Variants in GNAT3 observed in about 807,000 individuals in gnomAD.
GNAT3 encodes the protein G protein subunit alpha transducin 3, also known as guanine nucleotide-binding protein G(t) subunit alpha-3.
In GNAT3, 31 loss-of-function variants were observed where a neutral mutation model predicts 37.7. That is an observed-to-expected ratio of 0.82 (90% CI 0.62 to 1.11). The LOEUF (loss-of-function observed/expected upper bound fraction) is 1.11. Among genes scored for constraint, GNAT3 ranks in the 50% most tolerant of loss-of-function variants. GNAT3 has a pLI of 0.00. For missense variants in GNAT3, 437 were observed against 412.5 expected, an observed-to-expected ratio of 1.06 and a Z score of -0.51; for synonymous variants, 138 against 139.8, an observed-to-expected ratio of 0.99 and a Z score of 0.09.
In GNAT3 at chr7:80,511,845, C is replaced by A; in HGVS notation, c.82G>T (p.Glu28Ter). 1.2e-6 allele frequency: 2 copies of A among 1,612,020 alleles called. No individual in the cohort carries two copies. The highest frequency in any genetic ancestry group is 1.3e-5 in the African/African-American group (1 of 75,004). The part of the protein sequence containing the change: ...ELEKKLQEDA[E>*]RDARTVKLLL... ...AGCTTTACGGTTCTTGCATCTCGCT[C>A]AGCATCCTCCTGAAGCTTTTTCTCC... The change falls in exon 1 of 8, where the codon GAG becomes TAG. Residue 28 changes from glutamate (E) to a stop codon, truncating the protein, a stop_gained. Coordinates refer to ENST00000398291, the MANE Select transcript of GNAT3 (RefSeq NM_001102386.3). LOFTEE classifies it high-confidence loss of function.
intron 2 of GNAT3, among the ~76,000 whole-genome samples, chr7:80,493,826 TCC>T (rs1790657615): frequency 8.0e-6 from 1 of 125,694 alleles, no homozygotes; most frequent in African/African-American, 3.1e-5. Context: ...TCCTCTTTCC[TCC>T]TCCTCCTCTT....
intron 5 of GNAT3, among the ~76,000 whole-genome samples, chr7:80,472,620 T>C (rs960201362): frequency 3.9e-5 from 6 of 152,116 alleles, no homozygotes; most frequent in Non-Finnish European, 8.8e-5. Flanking sequence ...ACCAAATTGG[T>C]TGGTGTTGTA....
intron 1 of GNAT3, among the ~76,000 whole-genome samples, chr7:80,496,269 T>C (rs943006990): frequency 1.3e-5 from 2 of 152,198 alleles, no homozygotes; most frequent in Non-Finnish European, 2.9e-5. Flanking sequence ...TAGCTGGGAT[T>C]ACAGGTGTGC....
At chr7:80,472,964 A>G (rs910864032) in intron 5 of GNAT3, among the ~76,000 whole-genome samples, 3 of 152,290 alleles carry the variant, frequency 2.0e-5, no homozygotes, top group Non-Finnish European at 4.4e-5. Flanking sequence ...AAGAAAGAGT[A>G]AGACAGAAAA....
rs748050219 is a variant in GNAT3 at position 80,458,809 on chromosome 7, G to T, written c.927C>A (p.Asp309Glu). Residue 309 changes from aspartate to glutamate, a missense_variant, in exon 8 of 8, where the codon GAC (aspartate) becomes GAA (glutamate). Transcript: ENST00000398291. The part of the protein sequence containing the change: ...AGNYIKNQFL[D>E]LNLKKEDKEI... ...CCTTATCTTCTTTTTTTAAATTCAG[G>T]TCTAGAAACTGGTTCTTGATGTAGT... 1.3e-6 allele frequency: 2 copies of T among 1,595,114 alleles called. No homozygotes were observed. The highest frequency in any genetic ancestry group is 1.2e-5 in the South Asian group (1 of 86,854).
At chr7:80,508,078 AG>A (rs1384728180) in intron 1 of GNAT3, among the ~76,000 whole-genome samples, 1 of 151,968 alleles carries the variant, frequency 6.6e-6, no homozygotes, top group East Asian at 1.9e-4. Context: ...CTAAAAGAAA[AG>A]AACATCTATG....
intron 1 of GNAT3, among the ~76,000 whole-genome samples, chr7:80,504,755 G>A (rs981495296): frequency 6.6e-6 from 1 of 152,140 alleles, no homozygotes; most frequent in Non-Finnish European, 1.5e-5. Flanking sequence ...TAAAACTAGT[G>A]AAAATATAAG....
chr7:80,496,848 C>T (rs927141693), intron 1 of GNAT3, among the ~76,000 whole-genome samples: 17 of 149,486 alleles, frequency 1.1e-4, no homozygotes, highest in Admixed American at 7.3e-4. Context: ...TTCAGGACAA[C>T]TTTTCTTTTT....
chr7:80,465,042 T>C (rs371579375), intron 5 of GNAT3, among the ~76,000 whole-genome samples: 26 of 152,118 alleles, frequency 1.7e-4, no homozygotes, highest in East Asian at 7.7e-4. Context: ...TACGGTTATA[T>C]TATGTGAAAA....
chr7:80,511,883 C>A lies in GNAT3; in HGVS notation c.44G>T (p.Arg15Ile), dbSNP rs754569137. The A allele has an allele frequency of 7.3e-5, 118 of 1,612,142 alleles. No individual in the cohort carries two copies. Among genetic ancestry groups the A allele is most frequent in the Non-Finnish European group, 8.0e-5 (94 of 1,178,960 alleles). ...AAGCTTTTTCTCCAGTTCTTTTGAT[C>A]TTTTGGCTGACTCCTTGCTCTCTGA... ...ISSESKESAK[R>I]SKELEKKLQE... Residue 15 changes from arginine to isoleucine, a missense_variant, in exon 1 of 8, where the codon AGA becomes ATA. Arg to Ile is a moderately conservative substitution (Grantham distance 97). Transcript: ENST00000398291.
intron 4 of GNAT3, among the ~76,000 whole-genome samples, chr7:80,478,057 C>T (rs1317807521): frequency 3.9e-5 from 6 of 152,150 alleles, no homozygotes; most frequent in African/African-American, 9.7e-5. Flanking sequence ...ACTACAGGCA[C>T]ATGCCACCAC....
In GNAT3 at chr7:80,467,091, C is replaced by T. The variant is rs182193977; in HGVS notation, c.591-4460G>A. 1.0e-3 allele frequency among the ~76,000 whole-genome samples: 159 copies of T among 152,232 alleles called. 1 individual carries two copies. In the East Asian group the frequency reaches 0.024, roughly 23 times the overall value. ...CTAAGGTGGTTTGTTCCTAAACTCACAATTAGTAAAGGATAGAACTCACGT... is the reference window on the plus strand; with the variant it reads ...CTAAGGTGGTTTGTTCCTAAACTCATAATTAGTAAAGGATAGAACTCACGT... On this transcript the variant is annotated intron_variant, in intron 5 of 7. Coordinates refer to ENST00000398291, the MANE Select transcript of GNAT3 (RefSeq NM_001102386.3).
At chr7:80,499,883 G>A (rs997257673) in intron 1 of GNAT3, among the ~76,000 whole-genome samples, 1 of 152,136 alleles carries the variant, frequency 6.6e-6, no homozygotes, top group Non-Finnish European at 1.5e-5. Flanking sequence ...GGGAGGATTA[G>A]ATCACAAATA....
chr7:80,499,425 G>T (rs11981850), intron 1 of GNAT3, among the ~76,000 whole-genome samples: 4,295 of 152,108 alleles, frequency 0.028, 203 homozygotes, highest in African/African-American at 0.097. Flanking sequence ...TAGCTCTGTT[G>T]CCAGGCTTGA....
At chr7:80,485,044 G>T (rs1160811747) in intron 3 of GNAT3, among the ~76,000 whole-genome samples, 1 of 151,998 alleles carries the variant, frequency 6.6e-6, no homozygotes, top group Non-Finnish European at 1.5e-5. Flanking sequence ...ACCTTTCAAT[G>T]TGGATAATTC....
chr7:80,511,032 A>G (rs910528700), intron 1 of GNAT3, among the ~76,000 whole-genome samples: 2 of 152,170 alleles, frequency 1.3e-5, no homozygotes, highest in Non-Finnish European at 2.9e-5. Flanking sequence ...TTTCAAAAAC[A>G]TATTTCTGTT....
intron 3 of GNAT3, chr7:80,487,689 G>A (rs1209625359): frequency 6.6e-6 from 1 of 152,060 alleles, no homozygotes; most frequent in Non-Finnish European, 1.5e-5. Flanking sequence ...TCTATAGCAA[G>A]GTTTCCAAGA....
intron 1 of GNAT3, 91 bp from the exon 2 acceptor site, chr7:80,494,738 T>A: frequency 1.3e-6 from 1 of 783,900 alleles, no homozygotes; most frequent in Non-Finnish European, 2.2e-6. Context: ...ATCTTTAATT[T>A]TTTTTAATAG....
At chr7:80,482,404 G>C (rs901472157) in intron 3 of GNAT3, among the ~76,000 whole-genome samples, 1 of 152,078 alleles carries the variant, frequency 6.6e-6, no homozygotes, top group African/African-American at 2.4e-5. Context: ...TATATATCTT[G>C]TCAGCATAGC....
Sources: gnomAD v4.1 joint callset for allele counts (sites outside exome capture counted in the v4.1 genomes callset) on GRCh38, gnomAD v4.1.1 for gene constraint, MANE v1.5 for transcripts, NCBI Gene and HGNC (gene_info 2026-07-23, HGNC 2026-07-21) for gene names.